The following ADK variants were observed in gnomAD, a reference collection of about 807,000 sequenced individuals.
The protein encoded by ADK is N6,N6-dimethyladenosine kinase.
Under a neutral mutation model 44.7 loss-of-function variants are expected in ADK, and 24 were observed. That is an observed-to-expected ratio of 0.54 (90% confidence interval 0.39 to 0.76). ADK has a LOEUF of 0.76. Among genes scored for constraint, ADK ranks in the 30% least tolerant of loss-of-function variants. The pLI is 0.00. For synonymous variants in ADK, 128 were observed against 142.6 expected (o/e 0.90, Z 0.73); for missense variants, 321 against 425.1 (o/e 0.76, Z 2.15).
In ADK at chr10:74,151,332, G is replaced by T; in HGVS notation, c.54G>T (p.Pro18=). The T allele has an allele frequency of 1.3e-6, 2 of 1,549,572 alleles. No homozygotes were observed. Among genetic ancestry groups the T allele is most frequent in the South Asian group, 1.2e-5 (1 of 83,970 alleles). Residue 18 remains proline (P), a synonymous_variant, in exon 1 of 11, where the codon CCG becomes CCT. Transcript: ENST00000539909. ...CCAAAAAGCTGAAGGTGGAGGCGCC[G>T]CAAGCGCTGAGGTGAGCGCTGCCGG... ...PKPKKLKVEA[P]QALRENILFG...
At chr10:74,537,697 A>G (rs1322504944) in intron 7 of ADK, among the ~76,000 whole-genome samples, 1 of 152,204 alleles carries the variant, frequency 6.6e-6, no homozygotes, top group Non-Finnish European at 1.5e-5. Context: ...AGTACACTCA[A>G]CTTTGCCTCA....
At chr10:74,526,918 C>T (rs887208506) in intron 7 of ADK, among the ~76,000 whole-genome samples, 1 of 152,132 alleles carries the variant, frequency 6.6e-6, no homozygotes, top group Non-Finnish European at 1.5e-5. Context: ...AACATTAAAG[C>T]ATTGGTCTCA....
At chr10:74,477,443 C>T (rs772630544) in intron 6 of ADK, among the ~76,000 whole-genome samples, 29 of 152,102 alleles carry the variant, frequency 1.9e-4, no homozygotes, top group Admixed American at 5.2e-4. Context: ...CCTAGGCTCA[C>T]GTGATCTACC....
At chr10:74,453,615 A>G (rs1474525926) in intron 6 of ADK, among the ~76,000 whole-genome samples, 2 of 152,090 alleles carry the variant, frequency 1.3e-5, no homozygotes, top group Non-Finnish European at 2.9e-5. Context: ...AAATTACTTC[A>G]TCATTTTATG....
At chr10:74,315,844 A>G (rs1033707453) in intron 4 of ADK, among the ~76,000 whole-genome samples, 1 of 152,228 alleles carries the variant, frequency 6.6e-6, no homozygotes, top group African/African-American at 2.4e-5. Context: ...GCGGTCATTA[A>G]TATGAAGTGG....
At chr10:74,580,438 G>T (rs1851334811) in intron 7 of ADK, among the ~76,000 whole-genome samples, 1 of 152,092 alleles carries the variant, frequency 6.6e-6, no homozygotes. Context: ...AGCCAGGCAT[G>T]GTGGCACACG....
At chr10:74,461,720 A>G in intron 6 of ADK, among the ~76,000 whole-genome samples, 1 of 152,104 alleles carries the variant, frequency 6.6e-6, no homozygotes, top group East Asian at 1.9e-4. Context: ...AACTAATGGT[A>G]AATTCAGTAT....
intron 1 of ADK, chr10:74,176,950 A>G (rs957632811): frequency 6.3e-7 from 1 of 1,598,028 alleles, no homozygotes; most frequent in African/African-American, 1.3e-5. Flanking sequence ...GCGCGTGAGC[A>G]CTGTCGCTCC....
chr10:74,590,079 G>A (rs1056669063), intron 8 of ADK, among the ~76,000 whole-genome samples: 6 of 152,112 alleles, frequency 3.9e-5, no homozygotes, highest in Admixed American at 6.6e-5. Flanking sequence ...CCAACTGATT[G>A]TTAGAAAACA....
intron 6 of ADK, among the ~76,000 whole-genome samples, chr10:74,399,586 A>G (rs1474671489): frequency 6.6e-6 from 1 of 151,974 alleles, no homozygotes; most frequent in Non-Finnish European, 1.5e-5. Flanking sequence ...GTATGTGAGA[A>G]AAACATTTCA....
chr10:74,363,077 A>G (rs1904066), intron 4 of ADK, among the ~76,000 whole-genome samples: 110,372 of 152,150 alleles, frequency 0.73, 40,665 homozygotes, highest in Middle Eastern at 0.86. Flanking sequence ...GGCTCAGATT[A>G]GCATGCATCA....
At chr10:74,612,144 T>A (rs1034677293) in intron 9 of ADK, among the ~76,000 whole-genome samples, 3 of 152,182 alleles carry the variant, frequency 2.0e-5, no homozygotes, top group African/African-American at 7.2e-5. Flanking sequence ...ATTTTTTTAC[T>A]TTTTAATAAT....
chr10:74,639,962 C>A (rs550331529), intron 9 of ADK, among the ~76,000 whole-genome samples: 1 of 152,282 alleles, frequency 6.6e-6, no homozygotes, highest in Non-Finnish European at 1.5e-5. Context: ...TATTTTCATA[C>A]TTTAAAAAAC....
intron 6 of ADK, among the ~76,000 whole-genome samples, chr10:74,494,464 A>G (rs1204518677): frequency 6.6e-6 from 1 of 152,056 alleles, no homozygotes; most frequent in East Asian, 1.9e-4. Flanking sequence ...TACAACTTTT[A>G]GTTTCTCCTA....
At chr10:74,151,484 C>T (rs1350509198) in intron 1 of ADK, 141 bp downstream of exon 1, 3 of 884,366 alleles carry the variant, frequency 3.4e-6, no homozygotes, top group South Asian at 3.1e-5. Flanking sequence ...CCCAGCTGCC[C>T]GCTTGGCCGC....
chr10:74,311,096 A>G (rs948938945), intron 3 of ADK, among the ~76,000 whole-genome samples: 8 of 152,126 alleles, frequency 5.3e-5, no homozygotes, highest in Non-Finnish European at 1.0e-4. Context: ...AATTGTTCCT[A>G]ATTTGGCGAT....
intron 3 of ADK, among the ~76,000 whole-genome samples, chr10:74,247,223 AGTTT>A (rs1453391770): frequency 1.3e-5 from 1 of 78,198 alleles, no homozygotes; most frequent in Non-Finnish European, 2.8e-5. Flanking sequence ...TTTTTTTTTA[AGTTT>A]TTTTTTTTTT....
chr10:74,274,825 T>C (rs955350969), intron 3 of ADK, among the ~76,000 whole-genome samples: 1 of 149,822 alleles, frequency 6.7e-6, no homozygotes, highest in Non-Finnish European at 1.5e-5. Flanking sequence ...CTTGAACTCC[T>C]GGGCTCAAGT....
intron 7 of ADK, among the ~76,000 whole-genome samples, chr10:74,535,405 G>A (rs958381003): frequency 6.6e-6 from 1 of 152,104 alleles, no homozygotes; most frequent in African/African-American, 2.4e-5. Flanking sequence ...TGAGGCTGCA[G>A]TGAGCTACGA....
Sources: gnomAD v4.1 joint callset for allele counts (sites outside exome capture counted in the v4.1 genomes callset) on GRCh38, gnomAD v4.1.1 for gene constraint, MANE v1.5 for transcripts, NCBI Gene and HGNC (gene_info 2026-07-23, HGNC 2026-07-21) for gene names.